Variants in FBN3 observed in about 807,000 individuals in gnomAD.
FBN3 encodes fibrillin-3.
FBN3 carries 234 observed loss-of-function variants against 330.1 expected under a neutral mutation model. The ratio of observed to expected loss-of-function variants is 0.71; its 90% CI spans 0.64 to 0.79. The LOEUF is 0.79. Ranked by LOEUF, FBN3 falls within the 30% of genes least tolerant of loss-of-function variation. The pLI, the probability that FBN3 is intolerant of heterozygous loss-of-function variation, is 0.00. For missense variants in FBN3, 3,606 were observed against 3,886.9 expected, an observed-to-expected ratio of 0.93 and a Z score of 1.92; for synonymous variants, 1,458 against 1,517.3, an observed-to-expected ratio of 0.96 and a Z score of 0.91.
intron 13 of FBN3, 25 bp downstream of exon 13, chr19:8,135,936 G>GGGGGGGGGGGGGGGGGGGCCGC: frequency 1.5e-6 from 1 of 668,778 alleles, no homozygotes; most frequent in Non-Finnish European, 2.4e-6. Flanking sequence ...GGAAGCCCCT[G>GGGGGGGGGGGGGGGGGGGCCGC]CCCACCCGCC....
At chr19:8,146,392 C>T (rs984239561) in intron 3 of FBN3, among the ~76,000 whole-genome samples, 167 bp from the exon 4 acceptor site, 6 of 152,222 alleles carry the variant, frequency 3.9e-5, no homozygotes, top group South Asian at 2.1e-4. Flanking sequence ...GATGTCCCCC[C>T]ACTCTCGGGC....
intron 25 of FBN3, among the ~76,000 whole-genome samples, chr19:8,119,406 C>T (rs2082785472): frequency 1.3e-5 from 2 of 152,214 alleles, no homozygotes; most frequent in Admixed American, 1.3e-4. Context: ...TCTTCAGCCA[C>T]AGAGGCATCA....
intron 18 of FBN3, among the ~76,000 whole-genome samples, chr19:8,127,245 G>A (rs1237396922): frequency 6.6e-6 from 1 of 151,812 alleles, no homozygotes; most frequent in Non-Finnish European, 1.5e-5. Context: ...ATTTTTAGTA[G>A]AGACAGGATT....
intron 54 of FBN3, among the ~76,000 whole-genome samples, chr19:8,086,622 A>AT (rs35364392): frequency 0.19 from 25,817 of 133,238 alleles, 2,898 homozygotes; most frequent in South Asian, 0.37. Flanking sequence ...ACGCCCAGCT[A>AT]TTTTTTTTTT....
chr19:8,111,530 C>T, intron 32 of FBN3, 118 bp downstream of exon 32: 2 of 1,178,812 alleles, frequency 1.7e-6, no homozygotes, highest in Non-Finnish European at 2.4e-6. Flanking sequence ...CCAGCACCCA[C>T]AGAGCGGCGA....
chr19:8,087,165 G>GC lies in FBN3; in HGVS notation c.6665dup (p.Met2223HisfsTer31). On this transcript the variant is annotated frameshift_variant, in exon 54 of 64. Transcript: ENST00000600128. LOFTEE classifies it high-confidence loss of function. Reference sequence around the variant, plus strand: ...TACCGATGAGGTTCTTGCACTCCATGCCCCGGGCGTGGCAGTCCTGCTGAC... The same window carrying GC: ...TACCGATGAGGTTCTTGCACTCCATGCCCCCGGGCGTGGCAGTCCTGCTGAC... 6.2e-7 allele frequency: 1 copy of GC among 1,608,184 alleles called. No homozygotes were observed. The highest frequency in any genetic ancestry group is 1.1e-5 in the South Asian group (1 of 90,634).
rs752767183 is a variant in FBN3 at position 8,066,095 on chromosome 19, T to C, written c.8254A>G (p.Met2752Val). Residue 2752 changes from methionine (M) to valine (V), a missense_variant, in exon 64 of 64, where the codon ATG becomes GTG. Coordinates refer to ENST00000600128, the MANE Select transcript of FBN3 (RefSeq NM_032447.5). ...GAGCTGACGCCACGGAGGTGATGCA[T>C]GCGAAAGAAACCTTGCTCGTTTCCG... ...VRGNEQGFFR[M>V]HHLRGVSSLQ... 13 of 1,613,382 alleles carry C rather than the reference T, an allele frequency of 8.1e-6. No homozygotes were observed. The highest frequency in any genetic ancestry group is 4.2e-6 in the Non-Finnish European group (5 of 1,179,992).
Position 8,073,283 on chromosome 19 carries a change from C to T in FBN3, c.7717G>A (p.Ala2573Thr). The change falls in exon 62 of 64, where the codon GCC (alanine) becomes ACC (threonine). Residue 2573 changes from alanine (A) to threonine (T), a missense_variant. Ala to Thr is a moderately conservative substitution (Grantham distance 58). Coordinates refer to ENST00000600128, the MANE Select transcript of FBN3 (RefSeq NM_032447.5). The part of the protein sequence containing the change: ...WAQCVDENEC[A>T]LSPPTCGSAS... ...CTCCCGCAGGTGGGGGGCGACAGGG[C>T]ACACTCATTCTCATCTGTGGGAGGA... The T allele has an allele frequency of 6.2e-7, 1 of 1,613,248 alleles. No homozygotes were observed.
intron 38 of FBN3, among the ~76,000 whole-genome samples, 171 bp from the exon 39 acceptor site, chr19:8,103,858 T>A (rs1391146769): frequency 6.6e-6 from 1 of 152,148 alleles, no homozygotes; most frequent in African/African-American, 2.4e-5. Context: ...TAATATGGGC[T>A]GGGCATGGTG....
intron 18 of FBN3, among the ~76,000 whole-genome samples, chr19:8,127,063 T>TG (rs1208189943): frequency 1.4e-5 from 2 of 147,330 alleles, no homozygotes; most frequent in African/African-American, 2.5e-5. Context: ...TTTTTTGTTT[T>TG]TTTTTTTTTT....
At chr19:8,118,143 CCAGA>C (rs1375785066) in intron 26 of FBN3, among the ~76,000 whole-genome samples, 1 of 151,892 alleles carries the variant, frequency 6.6e-6, no homozygotes, top group Admixed American at 6.6e-5. Context: ...ATGTCCACAC[CCAGA>C]CACCCACACC....
At position 8,111,160 on chromosome 19, in the gene FBN3, C is replaced by G. The variant is rs117092804; in HGVS notation, c.4108G>C (p.Val1370Leu). 6.2e-7 allele frequency: 1 copy of G among 1,608,184 alleles called. No homozygotes were observed. The highest frequency in any genetic ancestry group is 8.5e-7 in the Non-Finnish European group (1 of 1,176,988). Residue 1370 changes from valine (V) to leucine (L), a missense_variant, in exon 33 of 64, where the codon GTG becomes CTG. Coordinates refer to ENST00000600128, the MANE Select transcript of FBN3 (RefSeq NM_032447.5). ...CACTGCCCGTTGTCACAGAGGTCCA[C>G]GTTCTCGGCACATTCATCCCTGTCT... The part of the protein sequence containing the change: ...CEDRDECAEN[V>L]DLCDNGQCLN...
Position 8,086,324 on chromosome 19 carries a change from A to T in FBN3, c.6756T>A (p.Asp2252Glu). Residue 2252 changes from aspartate (D) to glutamate (E), a missense_variant and splice_region_variant, in exon 55 of 64, where the codon GAT (aspartate) becomes GAA (glutamate). Transcript: ENST00000600128. ...PLPGSGEGCT[D>E]DNECHAQPDL... ...CAGGCTGAGCGTGGCATTCATTGTC[A>T]TCTGAGATGGGAGGGGTGAGGCAGG... 1 of 1,601,470 alleles carries T rather than the reference A, an allele frequency of 6.2e-7. No individual in the cohort carries two copies. Among genetic ancestry groups the T allele is most frequent in the East Asian group, 2.3e-5 (1 of 44,046 alleles).
At chr19:8,119,073 G>T in intron 25 of FBN3, 51 bp from the exon 26 acceptor site, 1 of 1,558,336 alleles carries the variant, frequency 6.4e-7, no homozygotes. Context: ...CTGATGCAGG[G>T]AGGGGGTGAT....
rs374935957 is a variant in FBN3 at position 8,116,780 on chromosome 19, C to G, written c.3606G>C (p.Glu1202Asp). 1.2e-6 allele frequency: 2 copies of G among 1,613,942 alleles called. No individual in the cohort carries two copies. Among genetic ancestry groups the G allele is most frequent in the Non-Finnish European group, 1.7e-6 (2 of 1,179,976 alleles). ...GGCCTTGGTCACAAACGCGGGGGTT[C>G]TCTTCACACTCGTCCACGTCTGGGG... ...RACADVDECE[E>D]NPRVCDQGHC... Residue 1202 changes from glutamate to aspartate, a missense_variant, in exon 29 of 64, where the codon GAG (glutamate) becomes GAC (aspartate). Physicochemically the swap from Glu to Asp is conservative, Grantham distance 45 (BLOSUM62 2). Transcript: ENST00000600128.
Position 8,109,393 on chromosome 19 carries a change from A to C in FBN3, c.4457-5T>G, listed in dbSNP as rs761213150. On this transcript the variant is annotated splice_region_variant and splice_polypyrimidine_tract_variant and intron_variant, in intron 35 of 63. Coordinates refer to ENST00000600128, the MANE Select transcript of FBN3 (RefSeq NM_032447.5). The surrounding 1 kb of genome is among the most constrained non-coding windows in gnomAD (Gnocchi z 5.2). The stretch of plus-strand genomic sequence containing the variant: ...AACAGTTCCCGGCCCGAGTGTCTGA[A>C]CAGGCAGAAGGGGATGGTTAGTAGG... The C allele has an allele frequency of 5.0e-6, 8 of 1,614,032 alleles. No homozygotes were observed. The highest frequency in any genetic ancestry group is 1.3e-5 in the African/African-American group (1 of 74,922).
intron 59 of FBN3, among the ~76,000 whole-genome samples, 156 bp downstream of exon 59, chr19:8,080,847 C>T (rs1270501122): frequency 1.3e-5 from 2 of 152,144 alleles, no homozygotes; most frequent in Non-Finnish European, 2.9e-5. Context: ...GTCTTGAACT[C>T]CTGACCTCAG....
chr19:8,080,920 C>T, intron 59 of FBN3, 83 bp downstream of exon 59: 2 of 1,030,640 alleles, frequency 1.9e-6, no homozygotes, highest in Admixed American at 1.9e-5. Context: ...TTGCGCCTGG[C>T]CAACTTGATA....
chr19:8,093,109 T>C (rs1383069637), intron 47 of FBN3, among the ~76,000 whole-genome samples: 2 of 151,680 alleles, frequency 1.3e-5, no homozygotes, highest in Non-Finnish European at 1.5e-5. Flanking sequence ...AAAAAGAAAA[T>C]TGCACAAAGC....
Sources: allele counts gnomAD v4.1 joint callset (sites outside exome capture counted in the v4.1 genomes callset), GRCh38; gene constraint gnomAD v4.1.1; non-coding constraint Gnocchi (gnomAD v3.1); transcripts MANE v1.5; gene names NCBI Gene and HGNC (gene_info 2026-07-23, HGNC 2026-07-21).